Variants in CMC2 observed in about 807,000 individuals in gnomAD.
CMC2 encodes C-X9-C motif containing 2.
Under a neutral mutation model 7.5 loss-of-function variants are expected in CMC2, and 5 were observed. The ratio of observed to expected loss-of-function variants is 0.66; its 90% CI spans 0.35 to 1.40. CMC2 has a LOEUF of 1.40. Among genes scored for constraint, CMC2 ranks in the 40% most tolerant of loss-of-function variants. The pLI is 0.04. For missense variants in CMC2, 115 were observed against 92.3 expected, an observed-to-expected ratio of 1.25 and a Z score of -1.01; for synonymous variants, 37 against 31.4, an observed-to-expected ratio of 1.18 and a Z score of -0.60.
intron 2 of CMC2, chr16:80,984,219 A>T (rs1967349955): frequency 6.6e-6 from 1 of 152,226 alleles, no homozygotes; most frequent in Non-Finnish European, 1.5e-5. Context: ...GTAGGAACAT[A>T]ATTAGTGTGT....
rs1180178082 is a variant in CMC2, at chr16:80,973,935, C to T, written c.*2158G>A. On this transcript the variant is annotated 3_prime_UTR_variant, in exon 4 of 4. Coordinates refer to ENST00000219400, the MANE Select transcript of CMC2 (RefSeq NM_020188.5). ...AAGAATGAACTTCCAAAGTTTCATC[C>T]TGCTCTTATGGTCAGCTACTGACAT... 6.6e-6 allele frequency: 1 copy of T among 152,168 alleles called. No individual in the cohort carries two copies. The highest frequency in any genetic ancestry group is 1.5e-5 in the Non-Finnish European group (1 of 68,026). The allele number at this position is 152,168 out of a possible 1,614,324, so 9.4% of individuals were successfully genotyped here.
In CMC2 at chr16:80,966,702, T is replaced by C. The variant is rs1911577468; in HGVS notation, c.*9391A>G. 6.6e-6 allele frequency: 1 copy of C among 152,230 alleles called. No homozygotes were observed. Among genetic ancestry groups the C allele is most frequent in the Admixed American group, 6.5e-5 (1 of 15,288 alleles). The allele number at this position is 152,230 out of a possible 1,614,324, so 9.4% of individuals were successfully genotyped here. A position where few individuals can be genotyped will look rare whatever the true frequency, so the allele number is the denominator to read the frequency against. On this transcript the variant is annotated 3_prime_UTR_variant, in exon 4 of 4. Coordinates refer to ENST00000219400, the MANE Select transcript of CMC2 (RefSeq NM_020188.5). ...CAAAATATTGTATTTGAACAACACT[T>C]ATAATCATTTCCTTTCTGTGGTTAT...
intron 3 of CMC2, among the ~76,000 whole-genome samples, chr16:80,979,657 G>A (rs979277497): frequency 6.6e-6 from 1 of 151,462 alleles, no homozygotes; most frequent in African/African-American, 2.4e-5. Flanking sequence ...CTCTCACTCT[G>A]TCACCCAGGC....
intron 1 of CMC2, among the ~76,000 whole-genome samples, chr16:81,001,841 AACACAC>A (rs72159358): frequency 6.7e-6 from 1 of 150,164 alleles, no homozygotes; most frequent in Non-Finnish European, 1.5e-5. Context: ...GTAACTACTA[AACACAC>A]ACACACACAC....
At chr16:81,004,803 G>A (rs1214753273) in intron 1 of CMC2, among the ~76,000 whole-genome samples, 2 of 152,188 alleles carry the variant, frequency 1.3e-5, no homozygotes, top group Admixed American at 6.5e-5. Flanking sequence ...AGTAGTCTAA[G>A]ACAGATTTCA....
chr16:80,986,416 C>T (rs1048724055), intron 2 of CMC2, among the ~76,000 whole-genome samples: 19 of 151,372 alleles, frequency 1.3e-4, no homozygotes, highest in African/African-American at 3.6e-4. Context: ...GATTGTACCA[C>T]TGCACTCCAG....
chr16:80,979,611 TA>T (rs1180058240), intron 3 of CMC2, among the ~76,000 whole-genome samples: 52 of 151,584 alleles, frequency 3.4e-4, no homozygotes, highest in African/African-American at 1.2e-3. Flanking sequence ...ATTTATTTTT[TA>T]TTTTATTTTT....
At chr16:80,986,006 A>G (rs1967500634) in intron 2 of CMC2, among the ~76,000 whole-genome samples, 1 of 152,106 alleles carries the variant, frequency 6.6e-6, no homozygotes, top group Non-Finnish European at 1.5e-5. Flanking sequence ...CTTGAAACAC[A>G]AGGCAAGACA....
At chr16:80,978,694 C>T (rs1966873440) in intron 3 of CMC2, among the ~76,000 whole-genome samples, 1 of 151,424 alleles carries the variant, frequency 6.6e-6, no homozygotes, top group East Asian at 1.9e-4. Context: ...CACAACAAGA[C>T]TCCATCTCTC....
intron 2 of CMC2, among the ~76,000 whole-genome samples, chr16:80,990,263 C>A (rs1967873872): frequency 6.6e-6 from 1 of 152,112 alleles, no homozygotes; most frequent in African/African-American, 2.4e-5. Flanking sequence ...CTCTGTCTCC[C>A]AGGTTCAAGT....
At chr16:80,996,810 T>A (rs748672423) in intron 2 of CMC2, 6 of 175,072 alleles carry the variant, frequency 3.4e-5, no homozygotes, top group Admixed American at 5.8e-5. Context: ...GCTCCTTTTC[T>A]ATTTTGGTTT....
intron 2 of CMC2, among the ~76,000 whole-genome samples, chr16:80,987,857 T>G (rs1967659589): frequency 6.6e-6 from 1 of 152,066 alleles, no homozygotes; most frequent in Non-Finnish European, 1.5e-5. Context: ...TTAGGTAATA[T>G]AATTCACTCG....
rs1477205667 is a variant in CMC2, at chr16:81,006,872, C to T, written c.-174G>A. ...CCAGTGACGCCCTCCACCGCTCCAC[C>T]GTGCTCCCGGCTCCTCGCCCCCGCC... On this transcript the variant is annotated 5_prime_UTR_variant, in exon 1 of 4. Transcript: ENST00000219400. 9 of 986,046 alleles carry T rather than the reference C, an allele frequency of 9.1e-6. No homozygotes were observed. Among genetic ancestry groups the T allele is most frequent in the African/African-American group, 1.7e-5 (1 of 57,264 alleles). The allele number at this position is 986,046 out of a possible 1,614,324, so 61.1% of individuals were successfully genotyped here.
intron 3 of CMC2, chr16:80,978,484 A>C (rs1966869289): frequency 1.3e-6 from 1 of 795,108 alleles, no homozygotes; most frequent in Admixed American, 2.8e-5. Flanking sequence ...ATACAGACAG[A>C]ATGAAAGGCC....
At chr16:80,980,933 A>C in intron 3 of CMC2, 1 of 641,526 alleles carries the variant, frequency 1.6e-6, no homozygotes, top group Non-Finnish European at 2.8e-6. Context: ...TTCACTGAGT[A>C]CTCCAAAAAG....
chr16:80,992,976 C>T (rs1054668544), intron 2 of CMC2, among the ~76,000 whole-genome samples: 1 of 152,070 alleles, frequency 6.6e-6, no homozygotes, highest in Non-Finnish European at 1.5e-5. Context: ...ATTCAGGGTC[C>T]TTACTTAGGC....
intron 2 of CMC2, among the ~76,000 whole-genome samples, chr16:80,990,257 G>A (rs747491227): frequency 2.6e-5 from 4 of 151,982 alleles, no homozygotes; most frequent in Non-Finnish European, 4.4e-5. Flanking sequence ...TGCAACCTCT[G>A]TCTCCCAGGT....
rs776538265 is a variant in CMC2 at position 80,997,446 on chromosome 16, G to A, written c.-35-17C>T. 7.7e-7 allele frequency: 1 copy of A among 1,307,036 alleles called. No homozygotes were observed. Among genetic ancestry groups the A allele is most frequent in the East Asian group, 2.3e-5 (1 of 43,386 alleles). 81.0% of individuals were successfully genotyped at this position (1,307,036 alleles called of 1,614,324 possible). A position where few individuals can be genotyped will look rare whatever the true frequency, so the allele number is the denominator to read the frequency against. On this transcript the variant is annotated splice_polypyrimidine_tract_variant and intron_variant, in intron 1 of 3. Transcript: ENST00000219400. ...CAGTGCAACCTGTGGATACAAGAGT[G>A]TCTTGAATATGCATAAACACATTTG... is the stretch of plus-strand genomic sequence containing the variant.
intron 3 of CMC2, among the ~76,000 whole-genome samples, chr16:80,978,889 A>T (rs140004549): frequency 6.6e-6 from 1 of 151,942 alleles, no homozygotes; most frequent in African/African-American, 2.4e-5. Flanking sequence ...AGACCATCCT[A>T]GCTAACACGG....
Sources: gnomAD v4.1 joint callset for allele counts (sites outside exome capture counted in the v4.1 genomes callset) on GRCh38, gnomAD v4.1.1 for gene constraint, MANE v1.5 for transcripts, NCBI Gene and HGNC (gene_info 2026-07-23, HGNC 2026-07-21) for gene names.